The following PRKG1 variants were observed in gnomAD, a reference collection of about 807,000 sequenced individuals.
The protein encoded by PRKG1 is protein kinase cGMP-dependent 1.
PRKG1 carries 35 observed loss-of-function variants against 88.1 expected under a neutral mutation model. The ratio of observed to expected loss-of-function variants is 0.40; its 90% confidence interval spans 0.30 to 0.53. PRKG1 has a LOEUF of 0.53. Ranked by LOEUF, PRKG1 falls within the 20% of genes least tolerant of loss-of-function variation. The pLI is 0.59. For synonymous variants in PRKG1, 303 were observed against 292.5 expected, an observed-to-expected ratio of 1.04 and a Z score of -0.37; for missense variants, 540 against 839.8, an observed-to-expected ratio of 0.64 and a Z score of 4.41.
intron 3 of PRKG1, among the ~76,000 whole-genome samples, chr10:51,628,122 CTCTTTCTTTCTT>C (rs11269617): frequency 0.048 from 5,555 of 116,808 alleles, 205 homozygotes; most frequent in South Asian, 0.14. Flanking sequence ...TTCTTTATTT[CTCTTTCTTTCTT>C]TCTTTCTTTC....
chr10:52,239,426 G>T (rs1380456138), intron 9 of PRKG1, among the ~76,000 whole-genome samples: 2 of 142,520 alleles, frequency 1.4e-5, no homozygotes, highest in African/African-American at 5.1e-5. Flanking sequence ...GATTAGATGT[G>T]TAGAGAAACT....
chr10:51,856,115 T>C (rs1474267407), intron 4 of PRKG1, among the ~76,000 whole-genome samples: 1 of 152,140 alleles, frequency 6.6e-6, no homozygotes, highest in African/African-American at 2.4e-5. Flanking sequence ...CATTGACCCA[T>C]AAGGACAATT....
intron 2 of PRKG1, among the ~76,000 whole-genome samples, chr10:51,389,422 C>T (rs1195702894): frequency 6.6e-6 from 1 of 152,152 alleles, no homozygotes; most frequent in Non-Finnish European, 1.5e-5. Flanking sequence ...TTCTTTTACA[C>T]TCCTCACAGT....
At chr10:51,032,362 T>C (rs1486122065) in intron 1 of PRKG1, among the ~76,000 whole-genome samples, 2 of 152,158 alleles carry the variant, frequency 1.3e-5, no homozygotes, top group Non-Finnish European at 2.9e-5. Flanking sequence ...TTTCATCTTT[T>C]TTTTTTTGCC....
intron 1 of PRKG1, among the ~76,000 whole-genome samples, chr10:51,102,240 C>T (rs903877409): frequency 6.6e-6 from 1 of 152,126 alleles, no homozygotes; most frequent in Non-Finnish European, 1.5e-5. Context: ...ATTTATTTAA[C>T]TGCATATTTG....
chr10:51,532,679 T>C (rs1467862992), intron 3 of PRKG1, among the ~76,000 whole-genome samples: 1 of 152,156 alleles, frequency 6.6e-6, no homozygotes, highest in Non-Finnish European at 1.5e-5. Context: ...CATCCAGTAG[T>C]TGGTCAATGT....
chr10:52,093,720 T>C (rs1002106711), intron 7 of PRKG1, among the ~76,000 whole-genome samples: 1 of 152,214 alleles, frequency 6.6e-6, no homozygotes, highest in African/African-American at 2.4e-5. Context: ...CATTTGTTAG[T>C]GTAGGTGTTG....
At chr10:51,491,670 A>G (rs1840711322) in intron 3 of PRKG1, among the ~76,000 whole-genome samples, 1 of 152,030 alleles carries the variant, frequency 6.6e-6, no homozygotes, top group Non-Finnish European at 1.5e-5. Context: ...ATGTTAGATT[A>G]TTTTCTCAGC....
intron 17 of PRKG1, 104 bp downstream of exon 17, chr10:52,290,394 A>C: frequency 1.0e-6 from 1 of 956,796 alleles, no homozygotes; most frequent in Non-Finnish European, 1.5e-6. Flanking sequence ...GATTAAGTTA[A>C]ACAAACTCTA....
chr10:51,017,254 A>C (rs1843079315), intron 1 of PRKG1, among the ~76,000 whole-genome samples: 1 of 152,068 alleles, frequency 6.6e-6, no homozygotes, highest in Non-Finnish European at 1.5e-5. Context: ...CTTGGAATCA[A>C]TATTGTATTT....
intron 4 of PRKG1, among the ~76,000 whole-genome samples, chr10:51,840,166 C>T (rs549569419): frequency 3.9e-5 from 6 of 152,256 alleles, no homozygotes; most frequent in African/African-American, 1.4e-4. Flanking sequence ...TTACCCAGAA[C>T]AGTGGTGTAC....
At chr10:51,571,063 T>A (rs1400717169) in intron 3 of PRKG1, among the ~76,000 whole-genome samples, 1 of 151,978 alleles carries the variant, frequency 6.6e-6, no homozygotes, top group Non-Finnish European at 1.5e-5. Flanking sequence ...CTTCACCACT[T>A]ATCAGCATGT....
At chr10:51,781,032 G>A (rs12261076) in intron 3 of PRKG1, among the ~76,000 whole-genome samples, 18,452 of 151,990 alleles carry the variant, frequency 0.12, 1,357 homozygotes, top group African/African-American at 0.2. Flanking sequence ...TGGAAATGGC[G>A]TATTGGGAAA....
chr10:51,167,042 C>T (rs1846562792), intron 2 of PRKG1, among the ~76,000 whole-genome samples: 1 of 152,134 alleles, frequency 6.6e-6, no homozygotes, highest in African/African-American at 2.4e-5. Flanking sequence ...GAGGACATTA[C>T]AGTGAACAAC....
chr10:51,705,724 T>C (rs923216130), intron 3 of PRKG1, among the ~76,000 whole-genome samples: 2 of 152,202 alleles, frequency 1.3e-5, no homozygotes, highest in African/African-American at 2.4e-5. Flanking sequence ...CCTCAATTTA[T>C]AGGTAAAGAA....
At chr10:51,146,485 C>T (rs1235862678) in intron 1 of PRKG1, among the ~76,000 whole-genome samples, 1 of 151,850 alleles carries the variant, frequency 6.6e-6, no homozygotes, top group Non-Finnish European at 1.5e-5. Context: ...TTGTCCTTCG[C>T]TTGAAGCTTG....
At chr10:51,112,956 A>G (rs577700386) in intron 1 of PRKG1, among the ~76,000 whole-genome samples, 1 of 152,316 alleles carries the variant, frequency 6.6e-6, no homozygotes, top group African/African-American at 2.4e-5. Context: ...AATTGGAATA[A>G]AAGATTGCAA....
chr10:51,104,698 T>TTTTATTTTA (rs1554836446), intron 1 of PRKG1, among the ~76,000 whole-genome samples: 72 of 136,186 alleles, frequency 5.3e-4, no homozygotes, highest in African/African-American at 1.9e-3. Context: ...TTTATTTTTA[T>TTTTATTTTA]TTTATTTATT....
intron 3 of PRKG1, among the ~76,000 whole-genome samples, chr10:51,720,285 G>A (rs771309072): frequency 6.8e-6 from 1 of 148,048 alleles, no homozygotes; most frequent in Non-Finnish European, 1.5e-5. Flanking sequence ...TCCTACACAC[G>A]TTGCTCCACA....
Sources: allele counts gnomAD v4.1 joint callset (sites outside exome capture counted in the v4.1 genomes callset), GRCh38; gene constraint gnomAD v4.1.1; transcripts MANE v1.5; gene names NCBI Gene and HGNC (gene_info 2026-07-23, HGNC 2026-07-21).